Variants in PEX7 observed in about 807,000 individuals in gnomAD.
PEX7 encodes the protein peroxisomal biogenesis factor 7.
Under a neutral mutation model 47.5 loss-of-function variants are expected in PEX7, and 34 were observed. The ratio of observed to expected loss-of-function variants is 0.72; its 90% CI spans 0.54 to 0.95. The LOEUF (loss-of-function observed/expected upper bound fraction) is 0.95, where lower values mean the gene tolerates loss of function less well. Ranked by LOEUF, PEX7 falls within the 40% of genes least tolerant of loss-of-function variation. The pLI is 0.00. For synonymous variants in PEX7, 141 were observed against 148.8 expected (o/e 0.95, Z 0.38); for missense variants, 394 against 400.3 (o/e 0.98, Z 0.13).
At chr6:136,845,828 A>G in intron 4 of PEX7, 136 bp downstream of exon 4, 1 of 717,544 alleles carries the variant, frequency 1.4e-6, no homozygotes, top group Non-Finnish European at 2.5e-6. Flanking sequence ...AAAAAATTAA[A>G]ACACTTATTA....
At chr6:136,898,267 C>A in intron 9 of PEX7, 26 bp downstream of exon 9, 2 of 1,342,826 alleles carry the variant, frequency 1.5e-6, no homozygotes, top group Non-Finnish European at 2.1e-6. Context: ...TCATGATATT[C>A]TCTTCTGCCC....
chr6:136,848,546 G>A (rs970900634), intron 5 of PEX7, among the ~76,000 whole-genome samples: 2 of 152,118 alleles, frequency 1.3e-5, no homozygotes, highest in African/African-American at 2.4e-5. Flanking sequence ...TTTATTGAGA[G>A]TTTTTAGCAC....
intron 8 of PEX7, among the ~76,000 whole-genome samples, chr6:136,893,847 A>G (rs930196736): frequency 2.0e-5 from 3 of 152,398 alleles, no homozygotes; most frequent in Non-Finnish European, 4.4e-5. Flanking sequence ...ATTCATGACT[A>G]ACTCATAAGT....
chr6:136,861,371 C>T (rs1317776144), intron 5 of PEX7, among the ~76,000 whole-genome samples: 1 of 152,198 alleles, frequency 6.6e-6, no homozygotes, highest in African/African-American at 2.4e-5. Flanking sequence ...GTGTGAGCCA[C>T]CATGCCTGAC....
chr6:136,895,589 T>C (rs958280636), intron 8 of PEX7, among the ~76,000 whole-genome samples: 3 of 152,226 alleles, frequency 2.0e-5, no homozygotes, highest in African/African-American at 7.2e-5. Context: ...TCACTAATGC[T>C]TTAATGAAGT....
At chr6:136,910,806 C>T (rs1477296969) in intron 9 of PEX7, among the ~76,000 whole-genome samples, 2 of 152,178 alleles carry the variant, frequency 1.3e-5, no homozygotes, top group Non-Finnish European at 2.9e-5. Context: ...CTTCATCTTT[C>T]ATTTTACTGC....
intron 5 of PEX7, among the ~76,000 whole-genome samples, chr6:136,862,128 G>A (rs553488901): frequency 1.3e-3 from 188 of 148,074 alleles, no homozygotes; most frequent in African/African-American, 3.7e-3. Context: ...GTTAAGGGGC[G>A]TGATCTCAGC....
intron 1 of PEX7, chr6:136,823,122 A>C (rs768877146): frequency 2.0e-6 from 2 of 985,276 alleles, no homozygotes. Context: ...GAGCCGGGGG[A>C]GCCTGCGCGG....
intron 6 of PEX7, among the ~76,000 whole-genome samples, chr6:136,868,527 A>T (rs1210556688): frequency 6.6e-6 from 1 of 151,872 alleles, no homozygotes; most frequent in Middle Eastern, 3.2e-3. Context: ...CATATTGGAA[A>T]ATTAATTATG....
chr6:136,822,922 G>C (rs1476583031), intron 1 of PEX7, 127 bp downstream of exon 1: 3 of 1,210,332 alleles, frequency 2.5e-6, no homozygotes, highest in Admixed American at 4.5e-5. Context: ...CCACGCCAGG[G>C]GGCAGAAGAG....
intron 8 of PEX7, among the ~76,000 whole-genome samples, chr6:136,876,619 TGA>T (rs1413253913): frequency 6.6e-6 from 1 of 152,236 alleles, no homozygotes; most frequent in African/African-American, 2.4e-5. Flanking sequence ...GTTAGTTTGC[TGA>T]GAATGATGTT....
intron 5 of PEX7, among the ~76,000 whole-genome samples, chr6:136,856,252 A>C (rs1774860350): frequency 6.6e-6 from 1 of 151,428 alleles, no homozygotes; most frequent in Non-Finnish European, 1.5e-5. Flanking sequence ...AATTAATATA[A>C]ATCTTGGTCA....
At chr6:136,853,882 G>A (rs551741709) in intron 5 of PEX7, among the ~76,000 whole-genome samples, 8 of 152,040 alleles carry the variant, frequency 5.3e-5, no homozygotes, top group East Asian at 3.9e-4. Context: ...ACACACTGTC[G>A]ACTTATAAGG....
intron 5 of PEX7, chr6:136,855,823 A>G: frequency 3.6e-6 from 1 of 281,606 alleles, no homozygotes; most frequent in Non-Finnish European, 6.8e-6. Flanking sequence ...GCAAAGTGGA[A>G]AGAGGGTATT....
chr6:136,866,236 C>T (rs1013174812), intron 5 of PEX7, among the ~76,000 whole-genome samples: 2 of 151,818 alleles, frequency 1.3e-5, no homozygotes, highest in East Asian at 1.9e-4. Context: ...AGACTTTGCC[C>T]GCCTTTAGCA....
At chr6:136,883,580 T>C (rs1775414723) in intron 8 of PEX7, among the ~76,000 whole-genome samples, 2 of 152,232 alleles carry the variant, frequency 1.3e-5, no homozygotes, top group African/African-American at 4.8e-5. Flanking sequence ...TCTCCTTCTC[T>C]TCCCCTTAAA....
chr6:136,854,872 G>T (rs778267658), intron 5 of PEX7, among the ~76,000 whole-genome samples: 1 of 152,170 alleles, frequency 6.6e-6, no homozygotes, highest in South Asian at 2.1e-4. Context: ...GATCACTTGA[G>T]AACAGGAGTT....
intron 5 of PEX7, among the ~76,000 whole-genome samples, chr6:136,857,278 G>A (rs911672592): frequency 6.6e-6 from 1 of 152,102 alleles, no homozygotes; most frequent in Non-Finnish European, 1.5e-5. Context: ...TTACATAGCC[G>A]AATGCCTTAC....
intron 7 of PEX7, among the ~76,000 whole-genome samples, chr6:136,871,691 T>A (rs1775184666): frequency 6.6e-6 from 1 of 152,168 alleles, no homozygotes; most frequent in Non-Finnish European, 1.5e-5. Flanking sequence ...CCCCAGAAGC[T>A]GAGATTATAG....
Sources: allele counts gnomAD v4.1 joint callset (sites outside exome capture counted in the v4.1 genomes callset), GRCh38; gene constraint gnomAD v4.1.1; transcripts MANE v1.5; gene names NCBI Gene and HGNC (gene_info 2026-07-23, HGNC 2026-07-21).